FAM228B: variants seen among roughly 807,000 people sequenced by gnomAD.
The protein encoded by FAM228B is protein FAM228B.
FAM228B carries 38 observed loss-of-function variants against 42.6 expected under a neutral mutation model. The ratio of observed to expected loss-of-function variants is 0.89; its 90% CI spans 0.69 to 1.17. The LOEUF is 1.17. Among genes scored for constraint, FAM228B ranks in the 50% most tolerant of loss-of-function variants. The pLI is 0.00. For synonymous variants in FAM228B, 109 were observed against 122.3 expected (o/e 0.89, Z 0.72); for missense variants, 344 against 367.3 (o/e 0.94, Z 0.52).
At position 24,167,188 on chromosome 2, in the gene FAM228B, G is replaced by C. The variant is rs143966625; in HGVS notation, c.933-439G>C. Among the ~76,000 whole-genome samples the C allele has an allele frequency of 3.9e-4, 60 of 152,344 alleles. 1 individual carries two copies. The East Asian group carries it at 0.011, about 27-fold the overall frequency. ...AAGGCAGTTGAGGGTTCCAGGCCAG[G>C]TGAGAGCGAGGGCTCCAGGCTCCAG... is the stretch of plus-strand genomic sequence containing the variant. On this transcript the variant is annotated intron_variant, in intron 9 of 10. Coordinates refer to ENST00000615575, the MANE Select transcript of FAM228B (RefSeq NM_001145710.2).
rs1322122366 is a variant in FAM228B, at chr2:24,158,196, C to CTTTTTTTTTT, written c.687-3302_687-3293dup. ...ATGCTGGGCTTTCTCTCTGAACCTC[C>CTTTTTTTTTT]TTTTTTTTTTTTTTTTTCCAAAACA... is the stretch of plus-strand genomic sequence containing the variant. On this transcript the variant is annotated intron_variant, in intron 7 of 10. Transcript: ENST00000615575. Among the ~76,000 whole-genome samples the CTTTTTTTTTT allele has an allele frequency of 4.1e-4, 22 of 53,200 alleles. 3 individuals carry two copies. Among genetic ancestry groups the CTTTTTTTTTT allele is most frequent in the South Asian group, 1.6e-3 (2 of 1,280 alleles). The allele number at this position is 53,200 out of a possible 152,430, so 34.9% of individuals were successfully genotyped here.
intron 1 of FAM228B, among the ~76,000 whole-genome samples, chr2:24,078,063 G>C (rs1223835866): frequency 6.6e-6 from 1 of 152,116 alleles, no homozygotes; most frequent in Non-Finnish European, 1.5e-5. Flanking sequence ...ATTCCTCTGA[G>C]AGGGGTACCC....
At chr2:24,131,502 C>G (rs900773540) in intron 2 of FAM228B, among the ~76,000 whole-genome samples, 1 of 152,084 alleles carries the variant, frequency 6.6e-6, no homozygotes, top group African/African-American at 2.4e-5. Flanking sequence ...CTCTTATTTC[C>G]TTGAGCAGTG....
upstream of FAM228B, among the ~76,000 whole-genome samples, chr2:24,118,767 C>T (rs565384572): frequency 1.3e-5 from 2 of 152,262 alleles, no homozygotes; most frequent in African/African-American, 4.8e-5. Flanking sequence ...TTAACCAGCT[C>T]TGCTTCCCTA....
intron 1 of FAM228B, among the ~76,000 whole-genome samples, chr2:24,123,813 T>C (rs1185390469): frequency 6.6e-6 from 1 of 151,364 alleles, no homozygotes; most frequent in African/African-American, 2.4e-5. Flanking sequence ...GGGCCGGGAG[T>C]GGGCGCGATG....
chr2:24,159,342 A>G (rs1434100982), intron 7 of FAM228B, among the ~76,000 whole-genome samples: 3 of 152,258 alleles, frequency 2.0e-5, no homozygotes, highest in Admixed American at 6.5e-5. Flanking sequence ...AATCGAATAG[A>G]GAAGACAGAT....
At chr2:24,136,235 A>AT (rs1260387560) in intron 3 of FAM228B, among the ~76,000 whole-genome samples, 9 of 148,262 alleles carry the variant, frequency 6.1e-5, no homozygotes, top group African/African-American at 2.0e-4. Context: ...CTAAGTTTTA[A>AT]TTTTTTTTTG....
chr2:24,160,177 A>C (rs755340710), intron 7 of FAM228B, among the ~76,000 whole-genome samples: 2 of 151,910 alleles, frequency 1.3e-5, no homozygotes, highest in Non-Finnish European at 2.9e-5. Flanking sequence ...TTTAGTAGAG[A>C]TGAGGTTTCA....
At chr2:24,127,270 C>T (rs1287743615) in intron 2 of FAM228B, among the ~76,000 whole-genome samples, 3 of 152,224 alleles carry the variant, frequency 2.0e-5, no homozygotes, top group African/African-American at 7.2e-5. Flanking sequence ...AGAGCATAAG[C>T]AGTACTTTAT....
rs923660507 is a variant in FAM228B at position 24,114,911 on chromosome 2, C to A, written c.-121+19682C>A. On this transcript the variant is annotated intron_variant, in intron 3 of 10. Transcript: ENST00000613899. ...GAGAGTTAGGGTTAGAGTCAGAAAT[C>A]TTTTTGAGTTGATTTTTGAGAAGGC... 3.3e-5 allele frequency among the ~76,000 whole-genome samples: 5 copies of A among 152,264 alleles called. No individual in the cohort carries two copies. In the East Asian group the frequency reaches 9.6e-4, roughly 29 times the overall value.
chr2:24,088,396 G>A (rs1232301976), intron 2 of FAM228B, among the ~76,000 whole-genome samples: 1 of 152,010 alleles, frequency 6.6e-6, no homozygotes, highest in African/African-American at 2.4e-5. Flanking sequence ...TGTCGCCTAG[G>A]CTGGAATGCA....
intron 2 of FAM228B, among the ~76,000 whole-genome samples, chr2:24,090,340 G>C (rs1665363098): frequency 6.6e-6 from 1 of 152,076 alleles, no homozygotes; most frequent in Admixed American, 6.6e-5. Context: ...CCAGCACTTT[G>C]AGAGGCCAAG....
chr2:24,162,310 ATGT>A (rs751020732), intron 8 of FAM228B, among the ~76,000 whole-genome samples: 17 of 152,212 alleles, frequency 1.1e-4, no homozygotes, highest in African/African-American at 3.6e-4. Context: ...AGAGTGAAAG[ATGT>A]TGTTGTAAAC....
chr2:24,099,565 T>C (rs902583647), intron 3 of FAM228B, among the ~76,000 whole-genome samples: 3 of 152,100 alleles, frequency 2.0e-5, no homozygotes, highest in Non-Finnish European at 4.4e-5. Flanking sequence ...TTACAAGGGA[T>C]GTGAAGGACC....
chr2:24,119,793 T>G, upstream of FAM228B: 1 of 707,242 alleles, frequency 1.4e-6, no homozygotes, highest in Non-Finnish European at 2.4e-6. Flanking sequence ...GTTTGGAATA[T>G]ATATGGAATA....
chr2:24,079,285 T>C, intron 1 of FAM228B: 1 of 687,686 alleles, frequency 1.5e-6, no homozygotes, highest in Non-Finnish European at 2.4e-6. Context: ...TCTGAATCAG[T>C]TCTCTGAAAT....
At chr2:24,109,537 A>G (rs756053974) in intron 3 of FAM228B, among the ~76,000 whole-genome samples, 24 of 152,368 alleles carry the variant, frequency 1.6e-4, no homozygotes, top group Middle Eastern at 3.4e-3. Context: ...TTTGCAAACT[A>G]TACATCTGAC....
chr2:24,098,876 A>T (rs1173203217), intron 3 of FAM228B, among the ~76,000 whole-genome samples: 1 of 152,244 alleles, frequency 6.6e-6, no homozygotes, highest in Non-Finnish European at 1.5e-5. Flanking sequence ...CAATGCGAAA[A>T]TCCTCAATAA....
chr2:24,093,317 A>G (rs780133611), intron 2 of FAM228B, among the ~76,000 whole-genome samples: 1 of 151,412 alleles, frequency 6.6e-6, no homozygotes, highest in Non-Finnish European at 1.5e-5. Context: ...TAGCCCCCCA[A>G]CAGGCCCCGG....
Sources: allele counts gnomAD v4.1 joint callset (sites outside exome capture counted in the v4.1 genomes callset), GRCh38; gene constraint gnomAD v4.1.1; transcripts MANE v1.5; gene names NCBI Gene and HGNC (gene_info 2026-07-23, HGNC 2026-07-21).